NPAS3: variants seen among roughly 807,000 people sequenced by gnomAD.
NPAS3 encodes neuronal PAS domain-containing protein 3.
Under a neutral mutation model 73.1 loss-of-function variants are expected in NPAS3, and 14 were observed. The observed-to-expected ratio is 0.19, with a 90% CI of 0.13 to 0.30. The LOEUF (loss-of-function observed/expected upper bound fraction) is 0.30, where lower values mean the gene tolerates loss of function less well. Among genes scored for constraint, NPAS3 ranks in the 10% least tolerant of loss-of-function variants. The probability of loss-of-function intolerance (pLI) is 1.00; values close to 1 mark genes in which losing one functional copy is unlikely to be tolerated. For missense variants in NPAS3, 1,096 were observed against 1,250.0 expected (o/e 0.88, Z 1.86); for synonymous variants, 620 against 541.5 (o/e 1.14, Z -2.01).
intron 3 of NPAS3, among the ~76,000 whole-genome samples, chr14:33,258,548 G>A (rs2048857586): frequency 6.6e-6 from 1 of 152,190 alleles, no homozygotes; most frequent in Non-Finnish European, 1.5e-5. Context: ...GTGGGGCTAT[G>A]GAAAGCTGAA....
chr14:33,471,444 G>T (rs1400806526), intron 4 of NPAS3, among the ~76,000 whole-genome samples: 3 of 152,194 alleles, frequency 2.0e-5, no homozygotes, highest in African/African-American at 7.2e-5. Flanking sequence ...TGTCACTGAT[G>T]GATCAGTGTG....
rs116826296 is a variant in NPAS3 at position 33,265,271 on chromosome 14, C to G, written c.385+49845C>G. On this transcript the variant is annotated intron_variant, in intron 3 of 11. Coordinates refer to ENST00000356141, the Ensembl canonical transcript of NPAS3. ...TCTGAAACTCTGTCACTGAACTCTG[C>G]TCTCTGGCATCACTTCAAAGAACTA... 5.4e-3 allele frequency among the ~76,000 whole-genome samples: 816 copies of G among 152,320 alleles called. 6 individuals carry two copies. Among genetic ancestry groups the G allele is most frequent in the African/African-American group, 0.019 (774 of 41,578 alleles).
chr14:33,082,800 G>A (rs1022268439), intron 2 of NPAS3, among the ~76,000 whole-genome samples: 8 of 152,158 alleles, frequency 5.3e-5, no homozygotes, highest in Non-Finnish European at 1.0e-4. Context: ...AGAGTGGTGC[G>A]AGGTTTTAAT....
rs373709680 is a variant in NPAS3, at chr14:33,708,261, G to A, written c.734-26953G>A. On this transcript the variant is annotated intron_variant, in intron 6 of 11. Transcript: ENST00000356141. ...GAAACCGCACAGTGATAGAATAATAGCAAATTGGAGAAGACTTAGGTGCTT... is the reference window on the plus strand; with the variant it reads ...GAAACCGCACAGTGATAGAATAATAACAAATTGGAGAAGACTTAGGTGCTT... 7.0e-4 allele frequency among the ~76,000 whole-genome samples: 106 copies of A among 152,292 alleles called. 2 individuals are homozygous for A. The highest frequency in any genetic ancestry group is 2.4e-3 in the African/African-American group (98 of 41,566).
intron 6 of NPAS3, among the ~76,000 whole-genome samples, chr14:33,701,944 G>A (rs183483566): frequency 2.0e-5 from 3 of 152,332 alleles, no homozygotes; most frequent in Admixed American, 1.3e-4. Flanking sequence ...TCTAGCAAGA[G>A]ATGGATGTAG....
intron 2 of NPAS3, among the ~76,000 whole-genome samples, chr14:33,114,496 C>T (rs2042996284): frequency 6.6e-6 from 1 of 152,106 alleles, no homozygotes; most frequent in Non-Finnish European, 1.5e-5. Context: ...AAGGTTACTG[C>T]CTTATGAGAG....
At chr14:33,752,627 G>A (rs570850335) in intron 7 of NPAS3, among the ~76,000 whole-genome samples, 174 of 152,218 alleles carry the variant, frequency 1.1e-3, no homozygotes, top group Non-Finnish European at 2.1e-3. Context: ...ATTTTGATAC[G>A]GTTGTAAGAA....
chr14:33,210,517 C>T (rs920949028), intron 2 of NPAS3, among the ~76,000 whole-genome samples: 2 of 152,226 alleles, frequency 1.3e-5, no homozygotes, highest in Admixed American at 6.5e-5. Context: ...CTCCATGGTC[C>T]TGGATCTGGG....
intron 4 of NPAS3, among the ~76,000 whole-genome samples, chr14:33,453,332 A>C (rs992001621): frequency 9.2e-5 from 14 of 152,220 alleles, no homozygotes; most frequent in Admixed American, 8.5e-4. Flanking sequence ...GCTTTCAAGA[A>C]TTTTAGAGCC....
chr14:33,798,226 C>T (rs765826669), intron 11 of NPAS3, among the ~76,000 whole-genome samples: 9 of 152,142 alleles, frequency 5.9e-5, no homozygotes, highest in Non-Finnish European at 8.8e-5. Flanking sequence ...GCAGAACAAA[C>T]GCATGCATTT....
intron 1 of NPAS3, among the ~76,000 whole-genome samples, chr14:32,957,914 T>G (rs1201708922): frequency 2.6e-5 from 4 of 152,188 alleles, no homozygotes; most frequent in Non-Finnish European, 4.4e-5. Context: ...TGGGACATTT[T>G]GTAGCATAAG....
intron 3 of NPAS3, among the ~76,000 whole-genome samples, chr14:33,238,068 C>T (rs915624441): frequency 1.3e-5 from 2 of 151,738 alleles, no homozygotes; most frequent in African/African-American, 2.4e-5. Flanking sequence ...AATGAACTAA[C>T]GTGTTTTGGG....
At chr14:33,719,923 G>T (rs1167168473) in intron 6 of NPAS3, among the ~76,000 whole-genome samples, 1 of 152,068 alleles carries the variant, frequency 6.6e-6, no homozygotes, top group Admixed American at 6.6e-5. Flanking sequence ...GGCATCATTG[G>T]CAGATAATAA....
intron 3 of NPAS3, among the ~76,000 whole-genome samples, chr14:33,261,889 A>T (rs1280110208): frequency 6.6e-6 from 1 of 152,188 alleles, no homozygotes; most frequent in African/African-American, 2.4e-5. Flanking sequence ...AGCAATGATC[A>T]TGAGGAGTCT....
chr14:33,449,031 A>G (rs1241525605), intron 4 of NPAS3, among the ~76,000 whole-genome samples: 2 of 152,202 alleles, frequency 1.3e-5, no homozygotes, highest in Non-Finnish European at 1.5e-5. Flanking sequence ...GGGATTTTTC[A>G]AAAAGAATCT....
At chr14:32,959,061 A>G (rs1311716608) in intron 1 of NPAS3, among the ~76,000 whole-genome samples, 1 of 152,220 alleles carries the variant, frequency 6.6e-6, no homozygotes, top group Non-Finnish European at 1.5e-5. Flanking sequence ...GCTTTAAGAA[A>G]GTTTAAGAAT....
intron 2 of NPAS3, among the ~76,000 whole-genome samples, chr14:33,186,885 T>G (rs1403830421): frequency 1.3e-5 from 2 of 152,178 alleles, no homozygotes; most frequent in Admixed American, 1.3e-4. Context: ...CTGCTACAAC[T>G]GGGGAATTGC....
At chr14:33,350,639 C>A (rs193035165) in intron 3 of NPAS3, among the ~76,000 whole-genome samples, 393 of 152,318 alleles carry the variant, frequency 2.6e-3, no homozygotes, top group Non-Finnish European at 4.7e-3. Flanking sequence ...CAACTACTAG[C>A]GGAGGCCTGA....
chr14:33,722,550 GA>G (rs2061144834), intron 6 of NPAS3, among the ~76,000 whole-genome samples: 1 of 152,106 alleles, frequency 6.6e-6, no homozygotes, highest in Non-Finnish European at 1.5e-5. Context: ...TTATAATGAT[GA>G]AGCCTTGTTT....
Sources: gnomAD v4.1 joint callset for allele counts (sites outside exome capture counted in the v4.1 genomes callset) on GRCh38, gnomAD v4.1.1 for gene constraint, MANE v1.5 for transcripts, NCBI Gene and HGNC (gene_info 2026-07-23, HGNC 2026-07-21) for gene names.